FHIT: variants seen among roughly 807,000 people sequenced by gnomAD.
The protein encoded by FHIT is bis(5'-adenosyl)-triphosphatase.
Under a neutral mutation model 17.9 loss-of-function variants are expected in FHIT, and 19 were observed. The ratio of observed to expected loss-of-function variants is 1.06; its 90% CI spans 0.74 to 1.56. The LOEUF (loss-of-function observed/expected upper bound fraction) is 1.56, where lower values mean the gene tolerates loss of function less well. Ranked by LOEUF, FHIT falls within the 40% of genes most tolerant of loss-of-function variation. The pLI, the probability that FHIT is intolerant of heterozygous loss-of-function variation, is 0.00. For missense variants in FHIT, 248 were observed against 189.2 expected (o/e 1.31, Z -1.82); for synonymous variants, 81 against 69.7 (o/e 1.16, Z -0.81).
At chr3:60,445,535 ACT>A (rs1376840218) in intron 5 of FHIT, among the ~76,000 whole-genome samples, 1 of 151,978 alleles carries the variant, frequency 6.6e-6, no homozygotes, top group African/African-American at 2.4e-5. Context: ...GAGAAAGCTG[ACT>A]CTGGTTTACG....
intron 8 of FHIT, among the ~76,000 whole-genome samples, chr3:59,825,016 C>T (rs1478126216): frequency 6.6e-6 from 1 of 152,188 alleles, no homozygotes; most frequent in Non-Finnish European, 1.5e-5. Flanking sequence ...GAAAATGCAG[C>T]ACTGTGTATG....
chr3:59,930,350 T>C (rs943522335), intron 7 of FHIT, among the ~76,000 whole-genome samples: 2 of 152,204 alleles, frequency 1.3e-5, no homozygotes, highest in African/African-American at 2.4e-5. Flanking sequence ...CTTTGCACAG[T>C]GCTGTCTCAT....
intron 5 of FHIT, among the ~76,000 whole-genome samples, chr3:60,195,585 A>G (rs1702600319): frequency 7.5e-6 from 1 of 133,914 alleles, no homozygotes; most frequent in South Asian, 2.5e-4. Flanking sequence ...TTATATTTAT[A>G]TTTATATATA....
At chr3:59,805,435 G>C (rs1395275788) in intron 8 of FHIT, among the ~76,000 whole-genome samples, 2 of 152,142 alleles carry the variant, frequency 1.3e-5, no homozygotes, top group East Asian at 3.9e-4. Flanking sequence ...TTCGCTCCCT[G>C]TTTGTCCTTG....
Position 60,885,349 on chromosome 3 carries a change from A to G in FHIT, c.-110-63338T>C, listed in dbSNP as rs561887977. 3.3e-5 allele frequency among the ~76,000 whole-genome samples: 5 copies of G among 152,336 alleles called. No homozygotes were observed. In the South Asian group the frequency reaches 1.0e-3, roughly 32 times the overall value. On this transcript the variant is annotated intron_variant, in intron 3 of 9. Coordinates refer to ENST00000492590, the MANE Select transcript of FHIT (RefSeq NM_002012.4). ...TTATTATGTATCAATAATAAAAAAC[A>G]TTAAGTTTAAAATATATCTTTAATA...
chr3:60,368,975 CT>C (rs1286401741), intron 5 of FHIT, among the ~76,000 whole-genome samples: 1 of 149,168 alleles, frequency 6.7e-6, no homozygotes, highest in Non-Finnish European at 1.5e-5. Flanking sequence ...CTTTTCTTTT[CT>C]CTTTGTTTTT....
intron 3 of FHIT, among the ~76,000 whole-genome samples, chr3:60,888,617 T>C (rs1705343960): frequency 6.6e-6 from 1 of 152,220 alleles, no homozygotes; most frequent in African/African-American, 2.4e-5. Flanking sequence ...AAATAAGATA[T>C]TCATATAAAT....
chr3:59,759,615 T>C lies in FHIT; in HGVS notation c.349-7294A>G, dbSNP rs555715920. On this transcript the variant is annotated intron_variant, in intron 8 of 9. Coordinates refer to ENST00000492590, the MANE Select transcript of FHIT (RefSeq NM_002012.4). ...TTCTGCCTCTCTTCTATCATTCACT[T>C]CTCAAAGTTCCCGAGAAGCCTTCCT... is the stretch of plus-strand genomic sequence containing the variant. Among the ~76,000 whole-genome samples, 14 of 152,302 alleles carry C rather than the reference T, an allele frequency of 9.2e-5. No individual in the cohort carries two copies. The East Asian group carries it at 9.7e-4, about 11-fold the overall frequency.
intron 2 of FHIT, among the ~76,000 whole-genome samples, chr3:61,096,086 G>A (rs2035629296): frequency 6.6e-6 from 1 of 152,208 alleles, no homozygotes; most frequent in South Asian, 2.1e-4. Flanking sequence ...AGACAAAGTA[G>A]ATGCACTCAT....
intron 2 of FHIT, among the ~76,000 whole-genome samples, chr3:61,042,940 C>T (rs2033592795): frequency 6.6e-6 from 1 of 151,986 alleles, no homozygotes; most frequent in Non-Finnish European, 1.5e-5. Flanking sequence ...AGGTTAAGAA[C>T]AGAAACAAAT....
intron 3 of FHIT, among the ~76,000 whole-genome samples, chr3:61,033,967 A>G (rs902415916): frequency 2.0e-5 from 3 of 152,214 alleles, no homozygotes; most frequent in African/African-American, 4.8e-5. Context: ...CTGAAGTTTC[A>G]TGATCTACAT....
At chr3:60,053,057 GTGAGAA>G (rs1701946548) in intron 5 of FHIT, among the ~76,000 whole-genome samples, 1 of 151,902 alleles carries the variant, frequency 6.6e-6, no homozygotes, top group Admixed American at 6.6e-5. Context: ...ATGCTGACCA[GTGAGAA>G]TGAGAATAAG....
At chr3:59,993,098 G>C (rs1430155753) in intron 7 of FHIT, among the ~76,000 whole-genome samples, 2 of 152,016 alleles carry the variant, frequency 1.3e-5, no homozygotes. Flanking sequence ...TCTTCTGGTA[G>C]AACAACTTCA....
intron 5 of FHIT, among the ~76,000 whole-genome samples, chr3:60,024,811 G>T (rs1411966694): frequency 6.6e-6 from 1 of 152,082 alleles, no homozygotes; most frequent in Non-Finnish European, 1.5e-5. Context: ...TGATAGCCTT[G>T]GTCAGCAGTC....
chr3:60,483,149 C>G (rs2362887), intron 5 of FHIT, among the ~76,000 whole-genome samples: 25 of 151,950 alleles, frequency 1.6e-4, no homozygotes, highest in Non-Finnish European at 3.1e-4. Flanking sequence ...AATCCTTGAA[C>G]AGACCAATAA....
intron 4 of FHIT, among the ~76,000 whole-genome samples, chr3:60,546,171 A>G (rs1021290134): frequency 6.6e-6 from 1 of 152,096 alleles, no homozygotes; most frequent in African/African-American, 2.4e-5. Flanking sequence ...AAGTTTAATC[A>G]CTACACATTT....
chr3:59,874,413 T>C (rs765512239), intron 8 of FHIT, among the ~76,000 whole-genome samples: 9 of 152,242 alleles, frequency 5.9e-5, no homozygotes, highest in Non-Finnish European at 1.3e-4. Flanking sequence ...CCTGGAGTGC[T>C]TGCTGAATTG....
chr3:60,806,945 C>A (rs552525005), intron 4 of FHIT, among the ~76,000 whole-genome samples: 1 of 152,114 alleles, frequency 6.6e-6, no homozygotes, highest in African/African-American at 2.4e-5. Context: ...AAGCTTCTAG[C>A]CAGTTGACCC....
intron 1 of FHIT, among the ~76,000 whole-genome samples, chr3:61,235,266 C>A (rs571504224): frequency 6.6e-6 from 1 of 152,282 alleles, no homozygotes; most frequent in Non-Finnish European, 1.5e-5. Flanking sequence ...CACTTGCCAA[C>A]TGGGTGTCCT....
Sources: gnomAD v4.1 joint callset for allele counts (sites outside exome capture counted in the v4.1 genomes callset) on GRCh38, gnomAD v4.1.1 for gene constraint, MANE v1.5 for transcripts, NCBI Gene and HGNC (gene_info 2026-07-23, HGNC 2026-07-21) for gene names.